Variants in RAPGEF6 observed in about 807,000 individuals in gnomAD.
RAPGEF6 encodes PDZ domain containing guanine nucleotide exchange factor (GEF) 2.
Under a neutral mutation model 171.4 loss-of-function variants are expected in RAPGEF6, and 56 were observed. That is an observed-to-expected ratio of 0.33 (90% CI 0.26 to 0.41). RAPGEF6 has a LOEUF of 0.41. RAPGEF6 is among the 10% of genes least tolerant of loss of function. The pLI is 1.00. For synonymous variants in RAPGEF6, 692 were observed against 650.1 expected (o/e 1.06, Z -0.98); for missense variants, 1,674 against 1,921.4 (o/e 0.87, Z 2.41).
intron 13 of RAPGEF6, among the ~76,000 whole-genome samples, chr5:131,493,315 C>T (rs1029634037): frequency 3.3e-5 from 5 of 152,162 alleles, no homozygotes; most frequent in African/African-American, 9.7e-5. Context: ...CCGCCTGTCT[C>T]GGCCTCCCAA....
intron 23 of RAPGEF6, chr5:131,440,287 G>A: frequency 2.2e-6 from 1 of 455,014 alleles, no homozygotes; most frequent in Non-Finnish European, 4.4e-6. Context: ...ATAGTATGCA[G>A]CACAGTGGAA....
intron 7 of RAPGEF6, among the ~76,000 whole-genome samples, chr5:131,517,148 A>G (rs1359501456): frequency 6.6e-6 from 1 of 152,104 alleles, no homozygotes; most frequent in Non-Finnish European, 1.5e-5. Context: ...GGGCTGAAAA[A>G]CCACCGAATG....
chr5:131,485,241 T>C (rs1326853395), intron 15 of RAPGEF6, among the ~76,000 whole-genome samples: 1 of 152,192 alleles, frequency 6.6e-6, no homozygotes, highest in Non-Finnish European at 1.5e-5. Flanking sequence ...GTGGGATTTT[T>C]AAAGATTTTA....
At chr5:131,522,061 G>T (rs552534271) in intron 6 of RAPGEF6, among the ~76,000 whole-genome samples, 1 of 152,140 alleles carries the variant, frequency 6.6e-6, no homozygotes, top group Admixed American at 6.5e-5. Context: ...AAAATTCTGT[G>T]AGCATCTTTA....
At chr5:131,463,634 T>G (rs1011729741) in intron 18 of RAPGEF6, 7 of 743,384 alleles carry the variant, frequency 9.4e-6, no homozygotes, top group Non-Finnish European at 1.1e-5. Flanking sequence ...AATAATCTAG[T>G]TTATTAAATA....
intron 1 of RAPGEF6, among the ~76,000 whole-genome samples, chr5:131,633,348 T>C (rs1457817301): frequency 6.6e-6 from 1 of 151,790 alleles, no homozygotes; most frequent in Non-Finnish European, 1.5e-5. Flanking sequence ...AAAAATAAAA[T>C]AGGCAATTTC....
intron 1 of RAPGEF6, among the ~76,000 whole-genome samples, chr5:131,619,934 T>C (rs1032796569): frequency 6.6e-6 from 1 of 152,226 alleles, no homozygotes; most frequent in East Asian, 1.9e-4. Context: ...TCCCCGTATG[T>C]AAAATGTGGA....
chr5:131,449,040 G>A (rs1308902633), intron 21 of RAPGEF6, among the ~76,000 whole-genome samples: 1 of 152,168 alleles, frequency 6.6e-6, no homozygotes, highest in East Asian at 1.9e-4. Context: ...AATAAAGAAG[G>A]TGGCTCACAA....
At chr5:131,572,427 G>A (rs1008120895) in intron 4 of RAPGEF6, among the ~76,000 whole-genome samples, 1 of 152,122 alleles carries the variant, frequency 6.6e-6, no homozygotes, top group Non-Finnish European at 1.5e-5. Flanking sequence ...AGACAAAAAG[G>A]AGACACACTT....
At chr5:131,533,382 G>A (rs1228316829) in intron 6 of RAPGEF6, among the ~76,000 whole-genome samples, 1 of 152,064 alleles carries the variant, frequency 6.6e-6, no homozygotes, top group East Asian at 1.9e-4. Flanking sequence ...TTATTCAAAT[G>A]TAATACAGTA....
intron 15 of RAPGEF6, among the ~76,000 whole-genome samples, chr5:131,486,081 G>A (rs1223105767): frequency 1.3e-5 from 2 of 152,224 alleles, no homozygotes; most frequent in East Asian, 3.8e-4. Context: ...CACCTAGATG[G>A]TCAGTTAGGT....
intron 6 of RAPGEF6, among the ~76,000 whole-genome samples, chr5:131,544,579 G>A (rs1760381975): frequency 1.3e-5 from 2 of 152,182 alleles, no homozygotes; most frequent in African/African-American, 2.4e-5. Context: ...AATGGGAGAC[G>A]ACAAAACTTT....
chr5:131,566,132 A>T (rs1761915839), intron 4 of RAPGEF6, among the ~76,000 whole-genome samples: 1 of 151,884 alleles, frequency 6.6e-6, no homozygotes, highest in African/African-American at 2.4e-5. Flanking sequence ...GGGTGACAGA[A>T]TGAGACTCTG....
At chr5:131,459,778 T>A (rs934541332) in intron 19 of RAPGEF6, among the ~76,000 whole-genome samples, 1 of 152,186 alleles carries the variant, frequency 6.6e-6, no homozygotes, top group African/African-American at 2.4e-5. Context: ...GCTTGCTATA[T>A]GGATAGAGTA....
intron 1 of RAPGEF6, among the ~76,000 whole-genome samples, chr5:131,623,079 C>CA (rs1487633034): frequency 6.6e-6 from 1 of 152,010 alleles, no homozygotes; most frequent in African/African-American, 2.4e-5. Flanking sequence ...CAAAACAAAA[C>CA]AAAAAAACTT....
Position 131,504,634 on chromosome 5 carries a change from C to G in RAPGEF6, c.1246G>C (p.Val416Leu). The G allele has an allele frequency of 6.2e-7, 1 of 1,604,230 alleles. No individual in the cohort carries two copies. Among genetic ancestry groups the G allele is most frequent in the Non-Finnish European group, 8.5e-7 (1 of 1,177,028 alleles). Reference protein sequence around the residue: ...DRSGTRKGHIVIKATPERLIM... With the variant: ...DRSGTRKGHILIKATPERLIM... ...TAAGTAAAAACACCCACCTTGATCACAATGTGTCCTTTCCTGGTTCCACTC... is the reference window on the plus strand; with the variant it reads ...TAAGTAAAAACACCCACCTTGATCAGAATGTGTCCTTTCCTGGTTCCACTC... The change falls in exon 11 of 28, where the codon GTG becomes CTG. Residue 416 changes from valine to leucine, a missense_variant. Physicochemically the swap from Val to Leu is conservative, Grantham distance 32 (BLOSUM62 1). Coordinates refer to ENST00000509018, the MANE Select transcript of RAPGEF6 (RefSeq NM_016340.6).
intron 26 of RAPGEF6, 88 bp downstream of exon 26, chr5:131,430,771 G>A (rs749132689): frequency 7.8e-6 from 12 of 1,531,534 alleles, no homozygotes; most frequent in African/African-American, 7.0e-5. Flanking sequence ...GAATTTTTGC[G>A]ACGATAAAAT....
intron 11 of RAPGEF6, among the ~76,000 whole-genome samples, chr5:131,498,860 A>G (rs949693929): frequency 1.3e-5 from 2 of 152,228 alleles, no homozygotes; most frequent in African/African-American, 4.8e-5. Context: ...AGCTGTTTTC[A>G]CTGGCATTTC....
chr5:131,477,892 C>T (rs986504343), intron 16 of RAPGEF6, among the ~76,000 whole-genome samples: 4 of 152,112 alleles, frequency 2.6e-5, no homozygotes, highest in Non-Finnish European at 5.9e-5. Flanking sequence ...TCTGGATCCT[C>T]GGTTTTGTCC....
Sources: gnomAD v4.1 joint callset for allele counts (sites outside exome capture counted in the v4.1 genomes callset) on GRCh38, gnomAD v4.1.1 for gene constraint, MANE v1.5 for transcripts, NCBI Gene and HGNC (gene_info 2026-07-23, HGNC 2026-07-21) for gene names.